Variants in ANKRD44 observed in about 807,000 individuals in gnomAD.
The protein encoded by ANKRD44 is ankyrin repeat domain 44.
A neutral mutation model predicts 116.0 loss-of-function variants in ANKRD44; 35 were observed. The ratio of observed to expected loss-of-function variants is 0.30; its 90% CI spans 0.23 to 0.40. ANKRD44 has a LOEUF of 0.40. Among genes scored for constraint, ANKRD44 ranks in the 10% least tolerant of loss-of-function variants. The pLI, the probability that ANKRD44 is intolerant of heterozygous loss-of-function variation, is 1.00. For synonymous variants in ANKRD44, 435 were observed against 461.8 expected (o/e 0.94, Z 0.74); for missense variants, 1,014 against 1,242.6 (o/e 0.82, Z 2.77).
intron 16 of ANKRD44, among the ~76,000 whole-genome samples, chr2:197,076,081 AT>A (rs1183412733): frequency 6.6e-6 from 1 of 152,120 alleles, no homozygotes; most frequent in Non-Finnish European, 1.5e-5. Flanking sequence ...TACTCTCTCC[AT>A]TCCCTCCACA....
At chr2:197,042,821 G>T (rs2076935755) in intron 16 of ANKRD44, among the ~76,000 whole-genome samples, 1 of 151,964 alleles carries the variant, frequency 6.6e-6, no homozygotes, top group Admixed American at 6.6e-5. Flanking sequence ...TTCAGTAAAT[G>T]CAAGGCATTT....
intron 21 of ANKRD44, among the ~76,000 whole-genome samples, chr2:196,969,451 GA>G (rs895457419): frequency 1.7e-4 from 25 of 149,006 alleles, no homozygotes; most frequent in South Asian, 1.1e-3. Context: ...TTCCACTCCA[GA>G]AAAAAAAAAT....
chr2:197,257,044 T>A (rs2082467530), intron 1 of ANKRD44, among the ~76,000 whole-genome samples: 2 of 151,768 alleles, frequency 1.3e-5, no homozygotes. Context: ...AAAAAAAAAA[T>A]GGAAGAATAG....
At chr2:197,222,626 T>C (rs1388515144) in intron 1 of ANKRD44, among the ~76,000 whole-genome samples, 1 of 152,108 alleles carries the variant, frequency 6.6e-6, no homozygotes, top group Non-Finnish European at 1.5e-5. Flanking sequence ...ATCATCCTCA[T>C]CACCTAGGGC....
chr2:197,224,339 T>C (rs940310956), intron 1 of ANKRD44, among the ~76,000 whole-genome samples: 1 of 152,238 alleles, frequency 6.6e-6, no homozygotes, highest in African/African-American at 2.4e-5. Context: ...GTAAATATAA[T>C]AATTTTAATG....
chr2:197,262,551 C>A (rs2082632935), intron 1 of ANKRD44, among the ~76,000 whole-genome samples: 1 of 152,124 alleles, frequency 6.6e-6, no homozygotes, highest in African/African-American at 2.4e-5. Context: ...TTCAACCTAC[C>A]AAAATGAGTG....
At chr2:197,194,882 T>C (rs533762535) in intron 1 of ANKRD44, among the ~76,000 whole-genome samples, 1 of 152,260 alleles carries the variant, frequency 6.6e-6, no homozygotes, top group South Asian at 2.1e-4. Context: ...ATGAAGAAGG[T>C]AGGCACTAAG....
At chr2:197,059,145 T>A (rs548193399) in intron 16 of ANKRD44, among the ~76,000 whole-genome samples, 152 of 151,688 alleles carry the variant, frequency 1.0e-3, no homozygotes, top group Non-Finnish European at 1.4e-3. Flanking sequence ...AGTAGAGGGG[T>A]AGGGGTGGGT....
At chr2:197,146,566 G>T (rs147756836) in intron 3 of ANKRD44, among the ~76,000 whole-genome samples, 1,695 of 151,132 alleles carry the variant, frequency 0.011, 15 homozygotes, top group Non-Finnish European at 0.016. Context: ...TGTATATATA[G>T]AGAGAGAGTA....
intron 1 of ANKRD44, among the ~76,000 whole-genome samples, chr2:197,230,635 T>C (rs900008172): frequency 6.6e-6 from 1 of 152,200 alleles, no homozygotes; most frequent in Admixed American, 6.5e-5. Context: ...GAGAGTATCT[T>C]AATCAGGAAA....
intron 4 of ANKRD44, among the ~76,000 whole-genome samples, chr2:197,130,241 T>C (rs1193923873): frequency 6.6e-6 from 1 of 152,196 alleles, no homozygotes; most frequent in Non-Finnish European, 1.5e-5. Flanking sequence ...AGTACCAAAG[T>C]ACCAAGCACC....
At chr2:196,999,360 A>G (rs894362210) in intron 23 of ANKRD44, among the ~76,000 whole-genome samples, 1 of 152,200 alleles carries the variant, frequency 6.6e-6, no homozygotes, top group Non-Finnish European at 1.5e-5. Flanking sequence ...AGATACTTTA[A>G]AAATTAATGC....
chr2:197,224,470 T>C (rs2125740326), intron 1 of ANKRD44, among the ~76,000 whole-genome samples: 1 of 152,338 alleles, frequency 6.6e-6, no homozygotes, highest in South Asian at 2.1e-4. Flanking sequence ...TCTTAAGAGA[T>C]GCTCTTCAAA....
chr2:197,070,052 T>A (rs2077526204), intron 16 of ANKRD44, among the ~76,000 whole-genome samples: 1 of 152,178 alleles, frequency 6.6e-6, no homozygotes, highest in Admixed American at 6.6e-5. Flanking sequence ...TATTCATTCC[T>A]AGTACACAGA....
intron 16 of ANKRD44, among the ~76,000 whole-genome samples, chr2:197,054,278 T>C (rs2077163799): frequency 6.6e-6 from 1 of 152,188 alleles, no homozygotes. Context: ...CCTAAATTTA[T>C]GATCAACAAA....
chr2:197,114,314 C>T (rs1200829262), intron 8 of ANKRD44, among the ~76,000 whole-genome samples: 2 of 152,022 alleles, frequency 1.3e-5, no homozygotes, highest in African/African-American at 4.8e-5. Context: ...CTACATTTTC[C>T]CATAGAATTT....
Position 197,007,844 on chromosome 2 carries a change from T to C in ANKRD44, c.2092A>G (p.Thr698Ala), listed in dbSNP as rs2076227266. ...GCTGTGCATCCTAGGATGTCAACAG[T>C]GTCTACGTTGGCTTCCTTTTCAAGT... The part of the protein sequence containing the change: ...LLLEKEANVD[T>A]VDILGCTALH... Residue 698 changes from threonine to alanine, a missense_variant, in exon 20 of 28, where the codon ACT becomes GCT. By Grantham distance (58) the Thr-to-Ala change is moderately conservative. Coordinates refer to ENST00000282272, the MANE Select transcript of ANKRD44 (RefSeq NM_001195144.2). 1 of 1,613,952 alleles carries C rather than the reference T, an allele frequency of 6.2e-7. No individual in the cohort carries two copies.
intron 1 of ANKRD44, among the ~76,000 whole-genome samples, chr2:197,276,283 A>AC (rs1424714259): frequency 6.6e-6 from 1 of 151,292 alleles, no homozygotes; most frequent in Non-Finnish European, 1.5e-5. Flanking sequence ...CTCAAAAAAA[A>AC]AAAAAAAAAA....
intron 1 of ANKRD44, among the ~76,000 whole-genome samples, chr2:197,299,223 G>A (rs1248502012): frequency 1.3e-5 from 2 of 151,108 alleles, no homozygotes; most frequent in African/African-American, 4.9e-5. Flanking sequence ...AATAAATGAG[G>A]TCTGTTTTTT....
Sources: allele counts gnomAD v4.1 joint callset (sites outside exome capture counted in the v4.1 genomes callset), GRCh38; gene constraint gnomAD v4.1.1; transcripts MANE v1.5; gene names NCBI Gene and HGNC (gene_info 2026-07-23, HGNC 2026-07-21).